SLC39A11: variants seen among roughly 807,000 people sequenced by gnomAD.
SLC39A11 encodes zinc transporter ZIP11.
A neutral mutation model predicts 36.1 loss-of-function variants in SLC39A11; 33 were observed. The ratio of observed to expected loss-of-function variants is 0.91; its 90% CI spans 0.69 to 1.22. The LOEUF (loss-of-function observed/expected upper bound fraction) is 1.22. Ranked by LOEUF, SLC39A11 falls within the 50% of genes most tolerant of loss-of-function variation. SLC39A11 has a pLI of 0.00. For missense variants in SLC39A11, 432 were observed against 430.3 expected, an observed-to-expected ratio of 1.00 and a Z score of -0.03; for synonymous variants, 166 against 170.3, an observed-to-expected ratio of 0.97 and a Z score of 0.20.
At chr17:72,675,435 A>T (rs1200824678) in intron 7 of SLC39A11, among the ~76,000 whole-genome samples, 3 of 151,804 alleles carry the variant, frequency 2.0e-5, no homozygotes, top group Non-Finnish European at 4.4e-5. Flanking sequence ...TGTTGTGTGT[A>T]ATCTACACAG....
intron 5 of SLC39A11, among the ~76,000 whole-genome samples, chr17:72,890,281 C>CA (rs1467877164): frequency 1.1e-4 from 12 of 106,730 alleles, no homozygotes; most frequent in Middle Eastern, 4.6e-3. Flanking sequence ...ACAACAACAA[C>CA]AACAAAAAAA....
intron 5 of SLC39A11, among the ~76,000 whole-genome samples, chr17:72,919,447 T>C (rs887373019): frequency 3.9e-5 from 6 of 152,000 alleles, no homozygotes; most frequent in African/African-American, 9.7e-5. Flanking sequence ...CTTTTGATGA[T>C]ACCTAGCATG....
intron 6 of SLC39A11, among the ~76,000 whole-genome samples, chr17:72,811,526 G>T (rs1387954471): frequency 1.3e-5 from 2 of 152,184 alleles, no homozygotes; most frequent in Non-Finnish European, 2.9e-5. Flanking sequence ...GGGCATCTTT[G>T]CCTGTCAGAG....
chr17:72,888,895 C>T (rs2081577423), intron 5 of SLC39A11, among the ~76,000 whole-genome samples: 1 of 151,912 alleles, frequency 6.6e-6, no homozygotes, highest in Non-Finnish European at 1.5e-5. Context: ...TAGCAAGACC[C>T]TGTCTCTCAA....
intron 6 of SLC39A11, among the ~76,000 whole-genome samples, chr17:72,762,938 A>G (rs1185694162): frequency 6.6e-6 from 1 of 152,166 alleles, no homozygotes; most frequent in Non-Finnish European, 1.5e-5. Flanking sequence ...ACCATTTGGG[A>G]TGAGGAAATA....
At chr17:72,654,630 G>A (rs1342792858) in intron 7 of SLC39A11, among the ~76,000 whole-genome samples, 8 of 152,332 alleles carry the variant, frequency 5.3e-5, no homozygotes, top group Non-Finnish European at 1.2e-4. Context: ...ATGGTTGAGT[G>A]AATACAACCA....
At chr17:73,025,414 T>C (rs1210685444) in intron 4 of SLC39A11, among the ~76,000 whole-genome samples, 2 of 152,226 alleles carry the variant, frequency 1.3e-5, no homozygotes, top group Non-Finnish European at 2.9e-5. Context: ...TATGTTGCCA[T>C]TTGTTTTTCA....
intron 4 of SLC39A11, among the ~76,000 whole-genome samples, chr17:73,006,329 C>T (rs945109046): frequency 6.6e-6 from 1 of 152,118 alleles, no homozygotes; most frequent in Non-Finnish European, 1.5e-5. Context: ...AAAGAACTGG[C>T]CTTAATGGAT....
intron 6 of SLC39A11, among the ~76,000 whole-genome samples, chr17:72,799,061 G>A (rs1368398207): frequency 6.6e-6 from 1 of 152,172 alleles, no homozygotes; most frequent in Non-Finnish European, 1.5e-5. Context: ...GTGAGTGTGT[G>A]TGTCTGTGAG....
Position 72,762,881 on chromosome 17 carries a change from C to T in SLC39A11, c.602-26162G>A, listed in dbSNP as rs137884005. 8.2e-3 allele frequency among the ~76,000 whole-genome samples: 1,254 copies of T among 152,264 alleles called. 19 individuals carry two copies. Among genetic ancestry groups the T allele is most frequent in the African/African-American group, 0.029 (1,208 of 41,538 alleles). The stretch of plus-strand genomic sequence containing the variant: ...ACTCTCACCCATGTCTGTGCTCATT[C>T]ATGTTCATTACTGCTTGCTGTGACT... On this transcript the variant is annotated intron_variant, in intron 6 of 9. Transcript: ENST00000255559.
chr17:72,719,901 T>G (rs558050169), intron 7 of SLC39A11, among the ~76,000 whole-genome samples: 164 of 151,936 alleles, frequency 1.1e-3, no homozygotes, highest in Non-Finnish European at 2.1e-3. Context: ...GCCCGGCGGA[T>G]GGGGGAGGGG....
intron 3 of SLC39A11, among the ~76,000 whole-genome samples, chr17:73,069,671 G>A (rs1223247434): frequency 6.6e-6 from 1 of 152,136 alleles, no homozygotes; most frequent in African/African-American, 2.4e-5. Flanking sequence ...ATCTGTGTAT[G>A]GATTTGGTCT....
At chr17:72,744,840 A>G (rs1472887411) in intron 6 of SLC39A11, among the ~76,000 whole-genome samples, 1 of 152,108 alleles carries the variant, frequency 6.6e-6, no homozygotes, top group Non-Finnish European at 1.5e-5. Flanking sequence ...CTCAGCATAC[A>G]CATCTTTTCT....
At chr17:72,682,611 G>C (rs1226461821) in intron 7 of SLC39A11, among the ~76,000 whole-genome samples, 1 of 152,136 alleles carries the variant, frequency 6.6e-6, no homozygotes, top group South Asian at 2.1e-4. Context: ...AGGTGGTTTT[G>C]AACTTCTTCC....
At chr17:73,046,253 G>A (rs959589306) in intron 3 of SLC39A11, among the ~76,000 whole-genome samples, 1 of 152,298 alleles carries the variant, frequency 6.6e-6, no homozygotes, top group East Asian at 1.9e-4. Context: ...AAAGAAAGAT[G>A]CTCCTCCTTG....
At chr17:73,011,218 G>C (rs2090493677) in intron 4 of SLC39A11, among the ~76,000 whole-genome samples, 3 of 152,250 alleles carry the variant, frequency 2.0e-5, no homozygotes, top group African/African-American at 7.2e-5. Flanking sequence ...GGGTAAGGAA[G>C]AGAGTCTGGC....
intron 6 of SLC39A11, among the ~76,000 whole-genome samples, chr17:72,747,445 C>T (rs1205285168): frequency 6.6e-6 from 1 of 152,234 alleles, no homozygotes; most frequent in African/African-American, 2.4e-5. Context: ...AGCCACCGCG[C>T]CTGGCCAAGG....
intron 3 of SLC39A11, among the ~76,000 whole-genome samples, chr17:73,055,652 G>A (rs2059641735): frequency 6.6e-6 from 1 of 151,496 alleles, no homozygotes; most frequent in Admixed American, 6.6e-5. Context: ...GGCAGGGGTG[G>A]AGGGGAGCGG....
intron 5 of SLC39A11, among the ~76,000 whole-genome samples, chr17:72,863,946 C>T (rs2080174395): frequency 6.6e-6 from 1 of 152,160 alleles, no homozygotes; most frequent in Admixed American, 6.5e-5. Flanking sequence ...AACAGAAAAA[C>T]AGGGGAAAAC....
Sources: gnomAD v4.1 joint callset for allele counts (sites outside exome capture counted in the v4.1 genomes callset) on GRCh38, gnomAD v4.1.1 for gene constraint, MANE v1.5 for transcripts, NCBI Gene and HGNC (gene_info 2026-07-23, HGNC 2026-07-21) for gene names.